Variants in PTPRD observed in about 807,000 individuals in gnomAD.
PTPRD encodes protein tyrosine phosphatase receptor type D, also known as receptor-type tyrosine-protein phosphatase delta.
Under a neutral mutation model 214.5 loss-of-function variants are expected in PTPRD, and 34 were observed. The observed-to-expected ratio is 0.16, with a 90% CI of 0.12 to 0.21. The LOEUF is 0.21. Ranked by LOEUF, PTPRD falls within the 10% of genes least tolerant of loss-of-function variation. The probability of loss-of-function intolerance (pLI) is 1.00; values close to 1 mark genes in which losing one functional copy is unlikely to be tolerated. For missense variants in PTPRD, 2,545 were observed against 2,398.7 expected (o/e 1.06, Z -1.27); for synonymous variants, 1,128 against 845.7 (o/e 1.33, Z -5.79).
intron 3 of PTPRD, among the ~76,000 whole-genome samples, chr9:10,089,236 A>AATAAATAAATAAATAG (rs531093721): frequency 5.4e-4 from 81 of 150,828 alleles, no homozygotes; most frequent in African/African-American, 1.8e-3. Context: ...TAAATAAATA[A>AATAAATAAATAAATAG]ATAGAAATAA....
chr9:10,524,004 T>C (rs886474514), intron 2 of PTPRD, among the ~76,000 whole-genome samples: 1 of 151,978 alleles, frequency 6.6e-6, no homozygotes, highest in African/African-American at 2.4e-5. Flanking sequence ...GGTGCCAACA[T>C]GGTCAGTTTA....
At chr9:9,570,857 G>A (rs975190117) in intron 8 of PTPRD, among the ~76,000 whole-genome samples, 3 of 151,302 alleles carry the variant, frequency 2.0e-5, no homozygotes, top group Non-Finnish European at 4.4e-5. Context: ...CCAAGTATAT[G>A]GATTAATAAA....
intron 10 of PTPRD, among the ~76,000 whole-genome samples, chr9:9,108,701 C>T (rs2099802109): frequency 6.6e-6 from 1 of 152,114 alleles, no homozygotes; most frequent in Non-Finnish European, 1.5e-5. Flanking sequence ...AGCACATTGA[C>T]CAGACCAAGT....
At chr9:9,776,019 G>C (rs1457494365) in intron 5 of PTPRD, among the ~76,000 whole-genome samples, 2 of 112,666 alleles carry the variant, frequency 1.8e-5, no homozygotes, top group Admixed American at 1.9e-4. Flanking sequence ...AGTTCTTAAA[G>C]AGCTTCTCAT....
intron 8 of PTPRD, among the ~76,000 whole-genome samples, chr9:9,452,930 T>C (rs2092447853): frequency 6.6e-6 from 1 of 151,476 alleles, no homozygotes. Context: ...AATACAGTTT[T>C]AACATTAAAA....
intron 11 of PTPRD, among the ~76,000 whole-genome samples, chr9:8,896,427 T>C (rs1267123271): frequency 6.6e-6 from 1 of 152,174 alleles, no homozygotes; most frequent in Non-Finnish European, 1.5e-5. Context: ...GCAGAAATTT[T>C]ACCCAAGCTT....
At chr9:8,966,742 C>A (rs536595825) in intron 11 of PTPRD, among the ~76,000 whole-genome samples, 29 of 151,924 alleles carry the variant, frequency 1.9e-4, no homozygotes, top group Non-Finnish European at 3.7e-4. Context: ...GCAACAAAAC[C>A]AAAACATGAC....
intron 4 of PTPRD, among the ~76,000 whole-genome samples, chr9:9,991,442 A>G (rs949738269): frequency 2.6e-5 from 4 of 151,620 alleles, no homozygotes; most frequent in Non-Finnish European, 5.9e-5. Flanking sequence ...GCTCACTGCA[A>G]CCACCGCCTC....
chr9:10,184,385 A>T (rs1313538185), intron 3 of PTPRD, among the ~76,000 whole-genome samples: 2 of 152,170 alleles, frequency 1.3e-5, no homozygotes. Context: ...AGATGGCACC[A>T]CGGCACTCCA....
At chr9:8,749,932 T>A (rs1410047563) in intron 11 of PTPRD, among the ~76,000 whole-genome samples, 1 of 151,806 alleles carries the variant, frequency 6.6e-6, no homozygotes, top group Non-Finnish European at 1.5e-5. Context: ...TGAAACCCCA[T>A]CTCTCCTAAA....
chr9:9,701,454 G>C (rs2097500635), intron 7 of PTPRD, among the ~76,000 whole-genome samples: 1 of 152,156 alleles, frequency 6.6e-6, no homozygotes, highest in Non-Finnish European at 1.5e-5. Flanking sequence ...GTAACTCCCA[G>C]TTGTACTAAA....
chr9:9,082,024 C>T (rs1591287635), intron 10 of PTPRD, among the ~76,000 whole-genome samples: 1 of 151,944 alleles, frequency 6.6e-6, no homozygotes, highest in Admixed American at 6.6e-5. Flanking sequence ...CCAAATTCTA[C>T]CAGAGGTACA....
intron 9 of PTPRD, among the ~76,000 whole-genome samples, chr9:9,275,859 G>C (rs200106444): frequency 2.7e-5 from 4 of 149,896 alleles, no homozygotes; most frequent in Non-Finnish European, 5.9e-5. Flanking sequence ...GTGTGTGTGT[G>C]TTTCTATAAA....
chr9:9,296,236 T>C (rs997506506), intron 9 of PTPRD, among the ~76,000 whole-genome samples: 3 of 151,812 alleles, frequency 2.0e-5, no homozygotes, highest in Non-Finnish European at 4.4e-5. Flanking sequence ...CAGGTTTATA[T>C]TCTGAGTTTA....
At chr9:9,579,827 G>A (rs763425709) in intron 7 of PTPRD, among the ~76,000 whole-genome samples, 44 of 152,076 alleles carry the variant, frequency 2.9e-4, no homozygotes, top group South Asian at 6.2e-4. Context: ...TACCCATTAA[G>A]TAATTTGTCA....
intron 14 of PTPRD, among the ~76,000 whole-genome samples, chr9:8,549,307 T>C (rs1236766382): frequency 6.6e-6 from 1 of 152,130 alleles, no homozygotes; most frequent in South Asian, 2.1e-4. Context: ...CTTAGTTCCT[T>C]CGTGAATGAT....
At chr9:9,495,994 C>T (rs768277245) in intron 8 of PTPRD, among the ~76,000 whole-genome samples, 1 of 152,284 alleles carries the variant, frequency 6.6e-6, no homozygotes, top group South Asian at 2.1e-4. Flanking sequence ...CCTGTGTCAG[C>T]TCCCGTAGCA....
chr9:9,149,172 G>A (rs1431553205), intron 10 of PTPRD, among the ~76,000 whole-genome samples: 2 of 152,092 alleles, frequency 1.3e-5, no homozygotes, highest in Admixed American at 1.3e-4. Context: ...CTCACCTCAG[G>A]TTCATGTCTA....
At chr9:8,879,920 C>T (rs1406706244) in intron 11 of PTPRD, among the ~76,000 whole-genome samples, 1 of 152,180 alleles carries the variant, frequency 6.6e-6, no homozygotes, top group Admixed American at 6.5e-5. Flanking sequence ...TTCCAGTTCA[C>T]AGAAAAGGAG....
Sources: allele counts gnomAD v4.1 joint callset (sites outside exome capture counted in the v4.1 genomes callset), GRCh38; gene constraint gnomAD v4.1.1; transcripts MANE v1.5; gene names NCBI Gene and HGNC (gene_info 2026-07-23, HGNC 2026-07-21).